RBM20: variants seen among roughly 807,000 people sequenced by gnomAD.
RBM20 encodes RNA binding motif protein 20.
Under a neutral mutation model 110.1 loss-of-function variants are expected in RBM20, and 51 were observed. The ratio of observed to expected loss-of-function variants is 0.46; its 90% CI spans 0.37 to 0.59. The LOEUF (loss-of-function observed/expected upper bound fraction) is 0.59. Among genes scored for constraint, RBM20 ranks in the 20% least tolerant of loss-of-function variants. The pLI is 0.00. For synonymous variants in RBM20, 589 were observed against 618.2 expected (o/e 0.95, Z 0.70); for missense variants, 1,512 against 1,574.9 (o/e 0.96, Z 0.68).
At chr10:110,740,099 G>T (rs1449333303) in intron 1 of RBM20, among the ~76,000 whole-genome samples, 1 of 152,256 alleles carries the variant, frequency 6.6e-6, no homozygotes, top group Non-Finnish European at 1.5e-5. Context: ...TCATTGTCAA[G>T]GCCAGGGCCA....
rs776908386 is a variant in RBM20, at chr10:110,797,517, C to T, written c.1537C>T (p.Arg513Trp). Residue 513 changes from arginine to tryptophan, a missense_variant, in exon 6 of 14, where the codon CGG becomes TGG. Arg to Trp is a moderately radical substitution (Grantham distance 101, BLOSUM62 -3). Coordinates refer to ENST00000369519, the MANE Select transcript of RBM20 (RefSeq NM_001134363.3). ...TCTTTGTTCCCATTAGTTTGCACAG[C>T]GGAAAGGGGCTGGCCGTGTGGTGCA... is the stretch of plus-strand genomic sequence containing the variant. ...LASVGTTFAQ[R>W]KGAGRVVHIC... 5.2e-6 allele frequency: 8 copies of T among 1,550,836 alleles called. No individual in the cohort carries two copies. The Admixed American group carries it at 5.9e-5, about 11-fold the overall frequency.
chr10:110,835,750 C>G (rs1028884980), intron 13 of RBM20, 118 bp from the exon 14 acceptor site: 2 of 1,003,972 alleles, frequency 2.0e-6, no homozygotes, highest in East Asian at 2.9e-5. Context: ...AAAGGGTAAC[C>G]CCCACAGCTG....
intron 1 of RBM20, among the ~76,000 whole-genome samples, chr10:110,681,824 T>TC (rs1862426355): frequency 1.3e-5 from 2 of 151,034 alleles, no homozygotes; most frequent in African/African-American, 4.9e-5. Flanking sequence ...CTACAGACAT[T>TC]TTTCAGATTT....
Position 110,781,465 on chromosome 10 carries a change from A to G in RBM20, c.856A>G (p.Asn286Asp), listed in dbSNP as rs1324823773. 2 of 1,551,524 alleles carry G rather than the reference A, an allele frequency of 1.3e-6. No homozygotes were observed. The highest frequency in any genetic ancestry group is 1.7e-6 in the Non-Finnish European group (2 of 1,146,988). ...AAFSKDFYGP[N>D]SQGSHVASGF... ...CTTTTCCAAAGATTTTTACGGACCC[A>G]ACTCCCAAGGTTCACATGTGGCCAG... Residue 286 changes from asparagine to aspartate, a missense_variant, in exon 2 of 14, where the codon AAC becomes GAC. Asn to Asp is a conservative substitution (Grantham distance 23). Transcript: ENST00000369519.
intron 7 of RBM20, among the ~76,000 whole-genome samples, chr10:110,804,037 A>G (rs1844665380): frequency 6.6e-6 from 1 of 152,130 alleles, no homozygotes; most frequent in Non-Finnish European, 1.5e-5. Context: ...CATGATGGCT[A>G]CAGTGACCTC....
At position 110,717,441 on chromosome 10, in the gene RBM20, G is replaced by A. The variant is rs145616065; in HGVS notation, c.192-63360G>A. 2.9e-3 allele frequency among the ~76,000 whole-genome samples: 437 copies of A among 152,244 alleles called. 6 individuals are homozygous for A. Among genetic ancestry groups the A allele is most frequent in the African/African-American group, 9.7e-3 (404 of 41,526 alleles). On this transcript the variant is annotated intron_variant, in intron 1 of 13. Transcript: ENST00000369519. Reference sequence around the variant, plus strand: ...CAGGGAAACTTATGGAATGTGATGGGTTTACTGGAGTTCCTGGGTGACAGG... The same window carrying A: ...CAGGGAAACTTATGGAATGTGATGGATTTACTGGAGTTCCTGGGTGACAGG...
At chr10:110,807,265 G>A (rs183638838) in intron 7 of RBM20, among the ~76,000 whole-genome samples, 43 of 152,298 alleles carry the variant, frequency 2.8e-4, no homozygotes, top group African/African-American at 5.8e-4. Context: ...CCTGGGATCC[G>A]GATAGAAGTA....
chr10:110,679,607 C>G (rs1166586335), intron 1 of RBM20, among the ~76,000 whole-genome samples: 3 of 152,186 alleles, frequency 2.0e-5, no homozygotes, highest in Non-Finnish European at 4.4e-5. Context: ...TGGTTTCCTG[C>G]TTATGGTGTC....
At position 110,821,340 on chromosome 10, in the gene RBM20, G is replaced by C; in HGVS notation, c.2721G>C (p.Glu907Asp). 1.9e-6 allele frequency: 3 copies of C among 1,551,732 alleles called. No individual in the cohort carries two copies. Among genetic ancestry groups the C allele is most frequent in the Non-Finnish European group, 1.7e-6 (2 of 1,146,954 alleles). The change falls in exon 11 of 14, where the codon GAG becomes GAC. Residue 907 changes from glutamate to aspartate, a missense_variant. Glu to Asp is a conservative substitution (Grantham distance 45, BLOSUM62 2). This residue lies in a region of RBM20 where 5 missense variants were observed against 21.3 expected (regional missense o/e 0.23). Transcript: ENST00000369519. ...GCTGGTATCCCACTAACATGGAGGA[G>C]CTGGTGACAGTGGACGAGGTTGGGG... ...GESWYPTNMEELVTVDEVGEE... is the reference protein window; with the variant it reads ...GESWYPTNMEDLVTVDEVGEE...
In RBM20 at chr10:110,812,367, C is replaced by T; in HGVS notation, c.1970C>T (p.Ser657Phe). Residue 657 changes from serine to phenylalanine, a missense_variant, in exon 9 of 14, where the codon TCT (serine) becomes TTT (phenylalanine). By Grantham distance (155) the Ser-to-Phe change is radical. Around this residue, in one of 3 missense-constraint regions of RBM20, gnomAD observed 1,149 missense variants for 1,169.4 expected, o/e 0.98. Coordinates refer to ENST00000369519, the MANE Select transcript of RBM20 (RefSeq NM_001134363.3). ...SHTPSFTSCSSSHSPPGPSRA... is the reference protein window; with the variant it reads ...SHTPSFTSCSFSHSPPGPSRA... ...ACTCCCAGCTTCACCTCCTGCAGCT[C>T]TTCCCACAGCCCTCCGGGCCCCTCC... 1 of 1,551,692 alleles carries T rather than the reference C, an allele frequency of 6.4e-7. No individual in the cohort carries two copies.
At chr10:110,694,238 A>G (rs1246090045) in intron 1 of RBM20, among the ~76,000 whole-genome samples, 2 of 152,234 alleles carry the variant, frequency 1.3e-5, no homozygotes, top group African/African-American at 2.4e-5. Context: ...GGGAGAACCA[A>G]TGAACCCAAT....
At chr10:110,783,335 C>T (rs1277611739) in intron 2 of RBM20, 31 bp from the exon 3 acceptor site, 2 of 1,531,298 alleles carry the variant, frequency 1.3e-6, no homozygotes, top group African/African-American at 1.4e-5. Flanking sequence ...CTCAGTTCTA[C>T]TTTGGTCACT....
chr10:110,758,564 G>A (rs1343187560), intron 1 of RBM20, among the ~76,000 whole-genome samples: 1 of 152,114 alleles, frequency 6.6e-6, no homozygotes, highest in Non-Finnish European at 1.5e-5. Context: ...GAAGATGACA[G>A]TAGCACTGGG....
chr10:110,781,704 G>C lies in RBM20; in HGVS notation c.1095G>C (p.Gly365=), dbSNP rs1554899000. 9 of 1,550,748 alleles carry C rather than the reference G, an allele frequency of 5.8e-6. 1 individual carries two copies. In the South Asian group the frequency reaches 8.3e-5, roughly 14 times the overall value. ...CAGACAGGACACCTCCTTCCTTCGG[G>C]GGTCGGCTTAACAACAGCAAACAGG... The part of the protein sequence containing the change: ...PTSDRTPPSF[G]GRLNNSKQGF... Residue 365 remains glycine (G), a synonymous_variant, in exon 2 of 14, where the codon GGG becomes GGC. Coordinates refer to ENST00000369519, the MANE Select transcript of RBM20 (RefSeq NM_001134363.3).
chr10:110,683,382 G>A (rs1230852324), intron 1 of RBM20, among the ~76,000 whole-genome samples: 1 of 152,208 alleles, frequency 6.6e-6, no homozygotes, highest in Non-Finnish European at 1.5e-5. Context: ...CCGCATTAGA[G>A]CGATTGGAGC....
chr10:110,764,383 C>T (rs952925392), intron 1 of RBM20, among the ~76,000 whole-genome samples: 17 of 152,190 alleles, frequency 1.1e-4, no homozygotes, highest in Non-Finnish European at 1.8e-4. Flanking sequence ...ATGGTCAGCG[C>T]GATCAGACCT....
intron 5 of RBM20, among the ~76,000 whole-genome samples, chr10:110,796,402 T>C (rs1296015433): frequency 6.6e-6 from 1 of 152,240 alleles, no homozygotes; most frequent in Non-Finnish European, 1.5e-5. Flanking sequence ...GCTTCATCTG[T>C]CTTTTTTCAT....
intron 1 of RBM20, among the ~76,000 whole-genome samples, chr10:110,729,705 C>T (rs888434374): frequency 2.0e-5 from 3 of 152,220 alleles, no homozygotes; most frequent in African/African-American, 7.2e-5. Flanking sequence ...GGCTGTAGCG[C>T]AGACAGGCCT....
chr10:110,815,274 G>A (rs1472583965), intron 9 of RBM20, among the ~76,000 whole-genome samples: 1 of 152,206 alleles, frequency 6.6e-6, no homozygotes, highest in Non-Finnish European at 1.5e-5. Flanking sequence ...GCCCTGAAAG[G>A]ATGTGCTAGA....
Sources: gnomAD v4.1 joint callset for allele counts (sites outside exome capture counted in the v4.1 genomes callset) on GRCh38, gnomAD v4.1.1 for gene constraint, gnomAD v4.1.1 regional missense constraint, MANE v1.5 for transcripts, NCBI Gene and HGNC (gene_info 2026-07-23, HGNC 2026-07-21) for gene names.